NXPE1: variants seen among roughly 807,000 people sequenced by gnomAD.
NXPE1 encodes the protein NXPE family member 1.
NXPE1 carries 31 observed loss-of-function variants against 33.3 expected under a neutral mutation model. The ratio of observed to expected loss-of-function variants is 0.93; its 90% CI spans 0.70 to 1.26. NXPE1 has a LOEUF of 1.26. NXPE1 is among the 50% of genes most tolerant of loss of function. NXPE1 has a pLI of 0.00. For missense variants in NXPE1, 661 were observed against 655.6 expected (o/e 1.01, Z -0.09); for synonymous variants, 229 against 231.4 (o/e 0.99, Z 0.09).
At chr11:114,527,736 G>T in intron 7 of NXPE1, 104 bp downstream of exon 7, 1 of 662,440 alleles carries the variant, frequency 1.5e-6, no homozygotes. Flanking sequence ...TGACATCATA[G>T]ACATCTGCTA....
chr11:114,544,483 A>T (rs544032859), intron 5 of NXPE1, among the ~76,000 whole-genome samples: 1 of 152,348 alleles, frequency 6.6e-6, no homozygotes, highest in African/African-American at 2.4e-5. Flanking sequence ...TGGAAAAATG[A>T]GTCTTTTCAG....
intron 7 of NXPE1, among the ~76,000 whole-genome samples, chr11:114,525,291 T>C (rs758232540): frequency 6.6e-5 from 10 of 152,108 alleles, no homozygotes; most frequent in Non-Finnish European, 1.0e-4. Flanking sequence ...TCCATTATAT[T>C]TTTTATTAGA....
At chr11:114,547,213 A>C (rs980555874) in intron 5 of NXPE1, among the ~76,000 whole-genome samples, 1 of 152,186 alleles carries the variant, frequency 6.6e-6, no homozygotes, top group African/African-American at 2.4e-5. Flanking sequence ...CAAGATTAAC[A>C]TCATCAGTGA....
At chr11:114,553,210 T>G (rs954823596) in intron 1 of NXPE1, among the ~76,000 whole-genome samples, 1 of 152,218 alleles carries the variant, frequency 6.6e-6, no homozygotes, top group African/African-American at 2.4e-5. Flanking sequence ...ATGCATATCT[T>G]TGTAATAATA....
intron 1 of NXPE1, among the ~76,000 whole-genome samples, chr11:114,555,027 C>T (rs1437527457): frequency 1.3e-5 from 2 of 151,702 alleles, no homozygotes; most frequent in African/African-American, 2.4e-5. Context: ...TAAGTCATTG[C>T]ATCTTGGGAG....
intron 3 of NXPE1, among the ~76,000 whole-genome samples, 163 bp from the exon 4 acceptor site, chr11:114,551,604 G>A (rs976398396): frequency 3.9e-5 from 6 of 152,170 alleles, no homozygotes; most frequent in South Asian, 2.1e-4. Flanking sequence ...GAATATGCTC[G>A]TATTACAAAA....
chr11:114,544,311 T>C (rs943247185), intron 5 of NXPE1, among the ~76,000 whole-genome samples: 2 of 152,184 alleles, frequency 1.3e-5, no homozygotes, highest in Non-Finnish European at 2.9e-5. Context: ...AAAAATCTCA[T>C]TGTCCCACTT....
At chr11:114,524,919 A>G (rs1275004727) in intron 7 of NXPE1, among the ~76,000 whole-genome samples, 1 of 152,138 alleles carries the variant, frequency 6.6e-6, no homozygotes, top group Non-Finnish European at 1.5e-5. Context: ...TCCATTTTAG[A>G]TGCTAATCTG....
intron 5 of NXPE1, among the ~76,000 whole-genome samples, chr11:114,546,669 C>A (rs1303329270): frequency 3.3e-5 from 5 of 151,948 alleles, no homozygotes; most frequent in Admixed American, 3.3e-4. Context: ...ACAAACAGAG[C>A]CAGTGTCTAG....
At chr11:114,526,082 C>T (rs1294980384) in intron 7 of NXPE1, among the ~76,000 whole-genome samples, 1 of 152,118 alleles carries the variant, frequency 6.6e-6, no homozygotes, top group African/African-American at 2.4e-5. Flanking sequence ...AAAGATGTGA[C>T]AGGAAAACTT....
downstream of NXPE1, among the ~76,000 whole-genome samples, chr11:114,519,798 G>T (rs192259366): frequency 1.4e-4 from 21 of 152,154 alleles, no homozygotes; most frequent in East Asian, 3.5e-3. Context: ...TACATTTAAG[G>T]TATACAGTGT....
At chr11:114,541,973 A>T (rs1274858802) in intron 5 of NXPE1, among the ~76,000 whole-genome samples, 2 of 152,088 alleles carry the variant, frequency 1.3e-5, no homozygotes, top group East Asian at 1.9e-4. Context: ...GGTCTTTTTG[A>T]TTTATAAGTT....
In NXPE1 at chr11:114,551,222, T is replaced by A. The variant is rs1396083237; in HGVS notation, c.-10-11A>T. On this transcript the variant is annotated splice_polypyrimidine_tract_variant and intron_variant, in intron 4 of 8. Coordinates refer to ENST00000534921, the Ensembl canonical transcript of NXPE1. ...GACATGACGAATGTCCTAGGAGAGATGACACAAGAGAGGAGTCGTGAGAAG... is the reference window on the plus strand; with the variant it reads ...GACATGACGAATGTCCTAGGAGAGAAGACACAAGAGAGGAGTCGTGAGAAG... 1.3e-6 allele frequency: 2 copies of A among 1,495,510 alleles called. No individual in the cohort carries two copies. Among genetic ancestry groups the A allele is most frequent in the Non-Finnish European group, 1.8e-6 (2 of 1,110,454 alleles). The allele number at this position is 1,495,510 out of a possible 1,614,324, so 92.6% of individuals were successfully genotyped here.
intron 1 of NXPE1, among the ~76,000 whole-genome samples, chr11:114,558,726 A>G (rs1948713122): frequency 6.6e-6 from 1 of 152,220 alleles, no homozygotes; most frequent in African/African-American, 2.4e-5. Context: ...CTGCTGTGCT[A>G]TGTAAGAGTA....
chr11:114,557,673 A>AT (rs1491116717), intron 1 of NXPE1, among the ~76,000 whole-genome samples: 20 of 123,904 alleles, frequency 1.6e-4, no homozygotes, highest in African/African-American at 4.9e-4. Context: ...ATATATATAT[A>AT]AAATCCTTGT....
chr11:114,526,227 G>C (rs1468454404), intron 7 of NXPE1, among the ~76,000 whole-genome samples: 3 of 152,142 alleles, frequency 2.0e-5, no homozygotes, highest in Non-Finnish European at 4.4e-5. Context: ...GCTCTACCTT[G>C]GGATTAGCTC....
intron 1 of NXPE1, among the ~76,000 whole-genome samples, chr11:114,556,225 A>G (rs1382964524): frequency 6.6e-6 from 1 of 152,230 alleles, no homozygotes; most frequent in Admixed American, 6.5e-5. Context: ...ATTTACTTTA[A>G]GGTGGGTCTT....
chr11:114,537,973 C>T (rs548989947), intron 5 of NXPE1, among the ~76,000 whole-genome samples: 1 of 152,328 alleles, frequency 6.6e-6, no homozygotes, highest in East Asian at 1.9e-4. Context: ...ATTGCCAAGT[C>T]AATCCTAAGC....
chr11:114,524,943 T>C (rs962391586), intron 7 of NXPE1, among the ~76,000 whole-genome samples: 1 of 152,188 alleles, frequency 6.6e-6, no homozygotes, highest in African/African-American at 2.4e-5. Flanking sequence ...TGTTGGCTCC[T>C]GATTAACCCC....
Sources: allele counts gnomAD v4.1 joint callset (sites outside exome capture counted in the v4.1 genomes callset), GRCh38; gene constraint gnomAD v4.1.1; transcripts MANE v1.5; gene names NCBI Gene and HGNC (gene_info 2026-07-23, HGNC 2026-07-21).